CACNB3: variants seen among roughly 807,000 people sequenced by gnomAD.
The protein encoded by CACNB3 is voltage-dependent L-type calcium channel subunit beta-3.
Under a neutral mutation model 63.7 loss-of-function variants are expected in CACNB3, and 36 were observed. The ratio of observed to expected loss-of-function variants is 0.57; its 90% confidence interval spans 0.43 to 0.75. The LOEUF is 0.75. Among genes scored for constraint, CACNB3 ranks in the 30% least tolerant of loss-of-function variants. CACNB3 has a pLI of 0.00. For missense variants in CACNB3, 493 were observed against 648.6 expected, an observed-to-expected ratio of 0.76 and a Z score of 2.61; for synonymous variants, 241 against 250.6, an observed-to-expected ratio of 0.96 and a Z score of 0.36.
chr12:48,815,736 TG>T (rs147844203), upstream of CACNB3: 497 of 415,260 alleles, frequency 1.2e-3, no homozygotes, highest in Non-Finnish European at 1.6e-3. Flanking sequence ...GAGGTAACCG[TG>T]GGGGGGGTGT....
At chr12:48,821,222 G>C (rs1274580981) in intron 1 of CACNB3, 1 of 151,718 alleles carries the variant, frequency 6.6e-6, no homozygotes, top group Non-Finnish European at 1.5e-5. Context: ...ACCAGGCATA[G>C]AGACTCATGC....
rs1021019331 is a variant in CACNB3, at chr12:48,828,633, T to G, written c.*734T>G. 11 of 455,170 alleles carry G rather than the reference T, an allele frequency of 2.4e-5. No individual in the cohort carries two copies. Among genetic ancestry groups the G allele is most frequent in the Non-Finnish European group, 4.4e-5 (10 of 226,268 alleles). The allele number at this position is 455,170 out of a possible 1,614,324, so 28.2% of individuals were successfully genotyped here. A position where few individuals can be genotyped will look rare whatever the true frequency, so the allele number is the denominator to read the frequency against. ...AGATGGGAGCCAACCTGGATGGGGG[T>G]TTGGGGAAGGAGGGCATGTGTAGCA... On this transcript the variant is annotated 3_prime_UTR_variant, in exon 13 of 13. Transcript: ENST00000301050.
rs186253124 is a variant in CACNB3 at position 48,823,002 on chromosome 12, C to G, written c.46-342C>G. Among the ~76,000 whole-genome samples, 105 of 152,310 alleles carry G rather than the reference C, an allele frequency of 6.9e-4. No homozygotes were observed. The highest frequency in any genetic ancestry group is 7.3e-5 in the Non-Finnish European group (5 of 68,028). ...CCTGGATCCAGAATCATCTCTAATA[C>G]ATCATCTTCAGCACACCTCCCTTCC... On this transcript the variant is annotated intron_variant, in intron 1 of 12. Coordinates refer to ENST00000301050, the MANE Select transcript of CACNB3 (RefSeq NM_000725.4). This position sits in a 1 kb window ranked among gnomAD's most constrained non-coding sequence, Gnocchi z 4.2.
rs1458493481 is a variant in CACNB3, at chr12:48,818,738, G to A, written c.-192G>A. On this transcript the variant is annotated 5_prime_UTR_variant, in exon 1 of 13. Transcript: ENST00000301050. This position sits in a 1 kb window ranked among gnomAD's most constrained non-coding sequence, Gnocchi z 4.3. Reference sequence around the variant, plus strand: ...TGGGTTTGGGGGGGTGGGGTGGGGGGAGCGGTGATCTGAGCTCCGAGCAGC... The same window carrying A: ...TGGGTTTGGGGGGGTGGGGTGGGGGAAGCGGTGATCTGAGCTCCGAGCAGC... 7.8e-7 allele frequency: 1 copy of A among 1,274,976 alleles called. No individual in the cohort carries two copies. The allele number at this position is 1,274,976 out of a possible 1,614,324, so 79.0% of individuals were successfully genotyped here.
chr12:48,818,446 C>A (rs1942346049), upstream of CACNB3: 1 of 989,418 alleles, frequency 1.0e-6, no homozygotes, highest in Non-Finnish European at 1.2e-6. This position sits in a 1 kb window ranked among gnomAD's most constrained non-coding sequence, Gnocchi z 4.3. Context: ...CGCATCTCTC[C>A]TCGCCCCGCC....
upstream of CACNB3, chr12:48,815,546 A>C: frequency 1.3e-6 from 2 of 1,488,278 alleles, no homozygotes; most frequent in Non-Finnish European, 8.9e-7. Context: ...GGGAGAGGGA[A>C]GGGAGCAGGC....
In CACNB3 at chr12:48,823,375, C is replaced by G. The variant is rs1251916553; in HGVS notation, c.77C>G (p.Ser26Cys). The G allele has an allele frequency of 1.9e-6, 3 of 1,614,082 alleles. No homozygotes were observed. The highest frequency in any genetic ancestry group is 1.1e-5 in the South Asian group (1 of 91,084). The change falls in exon 2 of 13, where the codon TCT becomes TGT. Residue 26 changes from serine to cysteine, a missense_variant. Transcript: ENST00000301050. The surrounding 1 kb of genome is among the most constrained non-coding windows in gnomAD (Gnocchi z 4.2). ...GCCGACTCCTACACCAGCCGCCCAT[C>G]TCTGGACTCAGACGTCTCCCTGGAG... The part of the protein sequence containing the change: ...GSADSYTSRP[S>C]LDSDVSLEED...
intron 4 of CACNB3, 121 bp from the exon 5 acceptor site, chr12:48,824,547 TG>T (rs1938024167): frequency 9.1e-7 from 1 of 1,100,080 alleles, no homozygotes; most frequent in Admixed American, 2.0e-5. Context: ...ACATATTGCA[TG>T]TACACCTGTC....
At position 48,825,117 on chromosome 12, in the gene CACNB3, A is replaced by G. The variant is rs903454151; in HGVS notation, c.493-46A>G. The G allele has an allele frequency of 1.2e-6, 2 of 1,602,616 alleles. No homozygotes were observed. Among genetic ancestry groups the G allele is most frequent in the African/African-American group, 2.7e-5 (2 of 74,640 alleles). ...CCCTGACGCCAACCAGGCATGAGAC[A>G]GGCACCAGGGCCATGGTTTCTACTG... is the stretch of plus-strand genomic sequence containing the variant. On this transcript the variant is annotated intron_variant, in intron 6 of 12. Transcript: ENST00000301050. This position sits in a 1 kb window ranked among gnomAD's most constrained non-coding sequence, Gnocchi z 4.5.
In CACNB3 at chr12:48,818,916, A is replaced by C. The variant is rs1333408511; in HGVS notation, c.-14A>C. The C allele has an allele frequency of 2.6e-6, 4 of 1,565,926 alleles. No homozygotes were observed. Among genetic ancestry groups the C allele is most frequent in the South Asian group, 2.4e-5 (2 of 84,968 alleles). On this transcript the variant is annotated 5_prime_UTR_variant, in exon 1 of 13. Coordinates refer to ENST00000301050, the MANE Select transcript of CACNB3 (RefSeq NM_000725.4). The surrounding 1 kb of genome is among the most constrained non-coding windows in gnomAD (Gnocchi z 4.3). ...GCCCCCGGCGCCGCTCGCTCCCCCG[A>C]CCCGGACTCCCCCATGTATGACGAC...
chr12:48,822,776 C>CA (rs1452175922), intron 1 of CACNB3, among the ~76,000 whole-genome samples: 2 of 152,194 alleles, frequency 1.3e-5, no homozygotes, highest in Non-Finnish European at 2.9e-5. Context: ...AAGGGCTCAC[C>CA]ATTTGGGAGC....
At chr12:48,827,214 C>T in intron 12 of CACNB3, 91 bp downstream of exon 12, 1 of 1,462,994 alleles carries the variant, frequency 6.8e-7, no homozygotes, top group African/African-American at 1.4e-5. Context: ...GCCTCCAGTT[C>T]AGCATGCCAA....
At chr12:48,817,719 G>A (rs1005863512), upstream of CACNB3, 1 of 152,236 alleles carries the variant, frequency 6.6e-6, no homozygotes. Flanking sequence ...CCTTACCCTA[G>A]TGACTCCGAG....
chr12:48,816,943 G>T (rs554357527), upstream of CACNB3: 413 of 985,448 alleles, frequency 4.2e-4, 2 homozygotes, highest in African/African-American at 6.4e-3. Context: ...CTGAAAGAAG[G>T]AATTGAAGAG....
In CACNB3 at chr12:48,826,936, A is replaced by T. The variant is rs547506403; in HGVS notation, c.991-38A>T. 1 of 1,613,400 alleles carries T rather than the reference A, an allele frequency of 6.2e-7. No homozygotes were observed. The highest frequency in any genetic ancestry group is 2.2e-5 in the East Asian group (1 of 44,872). On this transcript the variant is annotated intron_variant, in intron 11 of 12. Transcript: ENST00000301050. The surrounding 1 kb of genome is among the most constrained non-coding windows in gnomAD (Gnocchi z 4.8). ...AGAGATGGGTGGGGGGCTGCTACTG[A>T]GGGGAAACCAACGTTGCGCCTTCCT... is the stretch of plus-strand genomic sequence containing the variant.
Position 48,826,202 on chromosome 12 carries a change from A to C in CACNB3, c.743-165A>C. 1.5e-6 allele frequency: 1 copy of C among 666,494 alleles called. No homozygotes were observed. The highest frequency in any genetic ancestry group is 2.6e-6 in the Non-Finnish European group (1 of 389,022). 41.3% of individuals were successfully genotyped at this position (666,494 alleles called of 1,614,324 possible). A position where few individuals can be genotyped will look rare whatever the true frequency, so the allele number is the denominator to read the frequency against. ...TCTACCTGCCCCCAGGATTGGCAAGAACACACCCCTCCTCCTCAATTCCCA... is the reference window on the plus strand; with the variant it reads ...TCTACCTGCCCCCAGGATTGGCAAGCACACACCCCTCCTCCTCAATTCCCA... On this transcript the variant is annotated intron_variant, in intron 9 of 12. Transcript: ENST00000301050. The surrounding 1 kb of genome is among the most constrained non-coding windows in gnomAD (Gnocchi z 4.8).
At position 48,823,937 on chromosome 12, in the gene CACNB3, C is replaced by A; in HGVS notation, c.291+134C>A. The A allele has an allele frequency of 8.9e-7, 1 of 1,121,236 alleles. No individual in the cohort carries two copies. The highest frequency in any genetic ancestry group is 2.4e-5 in the Admixed American group (1 of 42,024). The allele number at this position is 1,121,236 out of a possible 1,614,324, so 69.5% of individuals were successfully genotyped here. ...GCTCTTCTCCTTAACACACACCTGTCCACCCCTCATATCTAAGATCTCATC... is the reference window on the plus strand; with the variant it reads ...GCTCTTCTCCTTAACACACACCTGTACACCCCTCATATCTAAGATCTCATC... On this transcript the variant is annotated intron_variant, in intron 3 of 12. Coordinates refer to ENST00000301050, the MANE Select transcript of CACNB3 (RefSeq NM_000725.4). This position sits in a 1 kb window ranked among gnomAD's most constrained non-coding sequence, Gnocchi z 4.2.
In CACNB3 at chr12:48,823,086, C is replaced by G. The variant is rs1362726353; in HGVS notation, c.46-258C>G. On this transcript the variant is annotated intron_variant, in intron 1 of 12. Transcript: ENST00000301050. This position sits in a 1 kb window ranked among gnomAD's most constrained non-coding sequence, Gnocchi z 4.2. ...GGGAGGAAAGAGAGAAGTGAAGGCT[C>G]TATTCAAAGCTGCAGTATTAATAGG... Among the ~76,000 whole-genome samples, 1 of 152,184 alleles carries G rather than the reference C, an allele frequency of 6.6e-6. No individual in the cohort carries two copies. The highest frequency in any genetic ancestry group is 1.9e-4 in the East Asian group (1 of 5,188).
chr12:48,822,529 T>G (rs1937904499), intron 1 of CACNB3, among the ~76,000 whole-genome samples: 1 of 152,196 alleles, frequency 6.6e-6, no homozygotes, highest in Non-Finnish European at 1.5e-5. Flanking sequence ...AGGGCTGATG[T>G]CCCCTGGGCC....
Sources: gnomAD v4.1 joint callset for allele counts (sites outside exome capture counted in the v4.1 genomes callset) on GRCh38, gnomAD v4.1.1 for gene constraint, Gnocchi (gnomAD v3.1) non-coding constraint, MANE v1.5 for transcripts, NCBI Gene and HGNC (gene_info 2026-07-23, HGNC 2026-07-21) for gene names.